KLHL32: variants seen among roughly 807,000 people sequenced by gnomAD.
KLHL32 encodes the protein kelch like family member 32.
KLHL32 carries 35 observed loss-of-function variants against 64.8 expected under a neutral mutation model. That is an observed-to-expected ratio of 0.54 (90% CI 0.41 to 0.72). The LOEUF (loss-of-function observed/expected upper bound fraction) is 0.72, where lower values mean the gene tolerates loss of function less well. Ranked by LOEUF, KLHL32 falls within the 30% of genes least tolerant of loss-of-function variation. The probability of loss-of-function intolerance (pLI) is 0.00; values close to 1 mark genes in which losing one functional copy is unlikely to be tolerated. For missense variants in KLHL32, 589 were observed against 768.5 expected, an observed-to-expected ratio of 0.77 and a Z score of 2.76; for synonymous variants, 259 against 281.0, an observed-to-expected ratio of 0.92 and a Z score of 0.78.
chr6:96,985,746 G>A (rs1776953128), intron 3 of KLHL32, among the ~76,000 whole-genome samples: 2 of 44,172 alleles, frequency 4.5e-5, no homozygotes, highest in Non-Finnish European at 7.9e-5. Flanking sequence ...GACTTCTCTA[G>A]AATTGGTTAT....
intron 3 of KLHL32, among the ~76,000 whole-genome samples, chr6:96,984,371 A>T (rs1380321219): frequency 6.6e-6 from 1 of 152,140 alleles, no homozygotes; most frequent in South Asian, 2.1e-4. Context: ...TTTGGGGTGG[A>T]GAGTTCTGTA....
chr6:97,071,612 C>T (rs1469364533), intron 5 of KLHL32, among the ~76,000 whole-genome samples: 1 of 152,138 alleles, frequency 6.6e-6, no homozygotes, highest in Non-Finnish European at 1.5e-5. Context: ...TTTGCCCAGT[C>T]TCACACACCT....
intron 6 of KLHL32, among the ~76,000 whole-genome samples, chr6:97,086,325 CTGAT>C (rs1313342056): frequency 6.6e-5 from 10 of 152,326 alleles, no homozygotes; most frequent in Admixed American, 3.9e-4. Flanking sequence ...ACTCTACTGA[CTGAT>C]TATTTTCCTG....
chr6:96,992,337 C>G (rs9387016), intron 3 of KLHL32, among the ~76,000 whole-genome samples: 23,938 of 152,220 alleles, frequency 0.16, 2,140 homozygotes, highest in East Asian at 0.39. Context: ...TGGCTCTTCG[C>G]CTCTCCCCGG....
intron 5 of KLHL32, among the ~76,000 whole-genome samples, chr6:97,081,270 A>G (rs1792469403): frequency 6.6e-6 from 1 of 152,062 alleles, no homozygotes; most frequent in Admixed American, 6.6e-5. Flanking sequence ...GAAAGTTTCC[A>G]TGGGTTCACG....
intron 6 of KLHL32, among the ~76,000 whole-genome samples, chr6:97,087,777 T>A (rs749223191): frequency 3.3e-5 from 5 of 152,196 alleles, no homozygotes; most frequent in Non-Finnish European, 5.9e-5. Context: ...AAGGTCTAAT[T>A]TTCATTATTC....
Position 97,041,545 on chromosome 6 carries a change from C to T in KLHL32, c.258C>T (p.His86=), listed in dbSNP as rs531719235. 2.0e-5 allele frequency: 32 copies of T among 1,613,646 alleles called. No homozygotes were observed. Among genetic ancestry groups the T allele is most frequent in the Admixed American group, 3.3e-5 (2 of 59,992 alleles). The change falls in exon 4 of 11, where the codon CAC becomes CAT. Residue 86 remains histidine, a synonymous_variant. Transcript: ENST00000369261. ...GTGGAGCTGATGAGGTTAATTTGCA[C>T]GGTGTGACCAGCCTTGGCTTAAAGC... ...VESGADEVNL[H]GVTSLGLKQA... is the part of the protein sequence containing the mutation.
chr6:97,051,983 C>G (rs905396195), intron 4 of KLHL32, among the ~76,000 whole-genome samples: 7 of 152,160 alleles, frequency 4.6e-5, no homozygotes, highest in Admixed American at 2.0e-4. Context: ...CTTGGTGGTT[C>G]TCAACCTCAA....
intron 3 of KLHL32, among the ~76,000 whole-genome samples, chr6:96,984,691 C>T (rs922292354): frequency 2.6e-5 from 4 of 151,838 alleles, no homozygotes; most frequent in African/African-American, 9.7e-5. Context: ...ACTAGGATTG[C>T]AACCCCTGCC....
rs149362833 is a variant in KLHL32 at position 96,951,568 on chromosome 6, A to G, written c.-65-15428A>G. On this transcript the variant is annotated intron_variant, in intron 1 of 10. Transcript: ENST00000369261. ...TACCTTAGAGTTTGCCATCACTACC[A>G]TCATCTTACCATCATCATCAAGACA... Among the ~76,000 whole-genome samples, 445 of 152,216 alleles carry G rather than the reference A, an allele frequency of 2.9e-3. 2 individuals carry two copies. Among genetic ancestry groups the G allele is most frequent in the South Asian group, 9.1e-3 (44 of 4,814 alleles).
the KLHL32 span, among the ~76,000 whole-genome samples, chr6:96,912,887 TC>T: frequency 3.9e-5 from 6 of 152,262 alleles, no homozygotes; most frequent in African/African-American, 1.4e-4. Flanking sequence ...CTGCACATAT[TC>T]CCTTCTCACC....
At chr6:96,985,348 T>A (rs1283571781) in intron 3 of KLHL32, among the ~76,000 whole-genome samples, 1 of 152,184 alleles carries the variant, frequency 6.6e-6, no homozygotes, top group East Asian at 1.9e-4. Flanking sequence ...CAATTATGTG[T>A]CTTGGAGTTG....
chr6:96,926,916 C>A (rs1769232611), intron 1 of KLHL32, among the ~76,000 whole-genome samples: 1 of 152,094 alleles, frequency 6.6e-6, no homozygotes, highest in Non-Finnish European at 1.5e-5. Flanking sequence ...AGTTAGCAAC[C>A]CATAATTACT....
Position 96,966,836 on chromosome 6 carries a change from C to T in KLHL32, c.-65-160C>T, listed in dbSNP as rs139055390. On this transcript the variant is annotated intron_variant, in intron 1 of 10. Coordinates refer to ENST00000369261, the MANE Select transcript of KLHL32 (RefSeq NM_052904.4). Reference sequence around the variant, plus strand: ...CACTTAAAAATATCCAGAACAATTACTTGTTTGTTAAAGGAGCATTGTGTC... The same window carrying T: ...CACTTAAAAATATCCAGAACAATTATTTGTTTGTTAAAGGAGCATTGTGTC... Among the ~76,000 whole-genome samples the T allele has an allele frequency of 1.6e-3, 248 of 152,276 alleles. 6 individuals are homozygous for T. Among genetic ancestry groups the T allele is most frequent in the East Asian group, 0.016 (81 of 5,186 alleles).
At chr6:96,978,357 C>T (rs182351825) in intron 3 of KLHL32, among the ~76,000 whole-genome samples, 3 of 152,092 alleles carry the variant, frequency 2.0e-5, no homozygotes, top group South Asian at 2.1e-4. Flanking sequence ...AAGTATTCTC[C>T]GTGTTTAGCT....
chr6:97,079,578 G>A (rs1160196056), intron 5 of KLHL32, among the ~76,000 whole-genome samples: 1 of 151,820 alleles, frequency 6.6e-6, no homozygotes, highest in East Asian at 1.9e-4. Flanking sequence ...CTGAGTTTGG[G>A]GAATATATAA....
chr6:97,031,627 G>A (rs1421953233), intron 3 of KLHL32, among the ~76,000 whole-genome samples: 4 of 152,124 alleles, frequency 2.6e-5, no homozygotes, highest in South Asian at 4.2e-4. Context: ...CATGACCCAC[G>A]GTGCCTGGCA....
intron 3 of KLHL32, among the ~76,000 whole-genome samples, chr6:96,981,035 C>T (rs942508831): frequency 5.3e-5 from 8 of 152,040 alleles, no homozygotes; most frequent in Non-Finnish European, 1.2e-4. Flanking sequence ...AAAAGCCCCT[C>T]ATAAAACCCT....
At chr6:97,124,261 A>G (rs1053306137) in intron 7 of KLHL32, among the ~76,000 whole-genome samples, 2 of 152,238 alleles carry the variant, frequency 1.3e-5, no homozygotes, top group Non-Finnish European at 2.9e-5. Flanking sequence ...GTGGTTTAAC[A>G]TTCTAGAGGG....
Sources: allele counts gnomAD v4.1 joint callset (sites outside exome capture counted in the v4.1 genomes callset), GRCh38; gene constraint gnomAD v4.1.1; transcripts MANE v1.5; gene names NCBI Gene and HGNC (gene_info 2026-07-23, HGNC 2026-07-21).